Variants in STXBP4 observed in about 807,000 individuals in gnomAD.
STXBP4 encodes syntaxin binding protein 4, also known as syntaxin-binding protein 4.
A neutral mutation model predicts 76.1 loss-of-function variants in STXBP4; 55 were observed. That is an observed-to-expected ratio of 0.72 (90% CI 0.58 to 0.91). STXBP4 has a LOEUF of 0.91. Among genes scored for constraint, STXBP4 ranks in the 40% least tolerant of loss-of-function variants. The probability of loss-of-function intolerance (pLI) is 0.00; values close to 1 mark genes in which losing one functional copy is unlikely to be tolerated. For synonymous variants in STXBP4, 201 were observed against 220.2 expected (o/e 0.91, Z 0.77); for missense variants, 618 against 636.9 (o/e 0.97, Z 0.32).
chr17:55,183,956 T>C, the STXBP4 span, among the ~76,000 whole-genome samples: 2 of 152,008 alleles, frequency 1.3e-5, no homozygotes, highest in Non-Finnish European at 2.9e-5. Context: ...TCAGAAAAAG[T>C]TATGGACAAT....
At chr17:55,074,271 A>C (rs913560683) in intron 13 of STXBP4, among the ~76,000 whole-genome samples, 2 of 152,216 alleles carry the variant, frequency 1.3e-5, no homozygotes, top group South Asian at 2.1e-4. Context: ...AAAGTCACTA[A>C]ACTATTTCTC....
chr17:55,040,896 T>G (rs905016791), intron 10 of STXBP4, among the ~76,000 whole-genome samples: 1 of 152,198 alleles, frequency 6.6e-6, no homozygotes, highest in Non-Finnish European at 1.5e-5. Flanking sequence ...CATTTGCCGC[T>G]TCCTTAGCTG....
At chr17:55,111,668 C>T (rs2079717965) in intron 16 of STXBP4, among the ~76,000 whole-genome samples, 1 of 152,164 alleles carries the variant, frequency 6.6e-6, no homozygotes, top group Non-Finnish European at 1.5e-5. Flanking sequence ...TGCCTTCTGC[C>T]ATAAGTAAAA....
chr17:55,117,414 C>A (rs945175860), intron 16 of STXBP4, among the ~76,000 whole-genome samples: 13 of 151,690 alleles, frequency 8.6e-5, no homozygotes, highest in Admixed American at 6.6e-5. Flanking sequence ...GACCGAAGGT[C>A]TTAGGCAACC....
chr17:55,013,660 G>A (rs1457550743), intron 8 of STXBP4, among the ~76,000 whole-genome samples: 1 of 152,218 alleles, frequency 6.6e-6, no homozygotes, highest in Non-Finnish European at 1.5e-5. Flanking sequence ...AAGAGTGCTT[G>A]GGTGGCTTGA....
In STXBP4 at chr17:55,161,879, T is replaced by A. The variant is rs244300; in HGVS notation, c.*1968T>A. 0.61 allele frequency: 92,352 copies of A among 152,042 alleles called. 28,458 individuals are homozygous for A. Among genetic ancestry groups the A allele is most frequent in the African/African-American group, 0.68 (28,378 of 41,464 alleles). The allele number at this position is 152,042 out of a possible 1,614,324, so 9.4% of individuals were successfully genotyped here. On this transcript the variant is annotated 3_prime_UTR_variant, in exon 18 of 18. Coordinates refer to ENST00000376352, the MANE Select transcript of STXBP4 (RefSeq NM_178509.6). ...TTGCCTAAGGGTCACAAAGCACCTATGTGTAGAAGCTAGGGTTCAAGGCAG... is the reference window on the plus strand; with the variant it reads ...TTGCCTAAGGGTCACAAAGCACCTAAGTGTAGAAGCTAGGGTTCAAGGCAG...
At chr17:54,993,586 A>G (rs2077752509) in intron 4 of STXBP4, among the ~76,000 whole-genome samples, 2 of 152,258 alleles carry the variant, frequency 1.3e-5, no homozygotes, top group African/African-American at 2.4e-5. Context: ...CAAAATTGAT[A>G]TAACTTTATT....
chr17:55,179,882 C>T, the STXBP4 span, among the ~76,000 whole-genome samples: 3 of 152,130 alleles, frequency 2.0e-5, no homozygotes, highest in Non-Finnish European at 4.4e-5. Context: ...CTGACTGCAG[C>T]AGTGTGGCGA....
At chr17:54,982,276 A>G (rs1478312512) in intron 1 of STXBP4, among the ~76,000 whole-genome samples, 2 of 152,198 alleles carry the variant, frequency 1.3e-5, no homozygotes, top group African/African-American at 4.8e-5. Context: ...CTCAAACACC[A>G]TATGCGTTAT....
intron 8 of STXBP4, among the ~76,000 whole-genome samples, chr17:55,011,607 G>T (rs768545017): frequency 2.8e-5 from 4 of 145,068 alleles, no homozygotes; most frequent in Non-Finnish European, 6.0e-5. Flanking sequence ...GAATGCATGA[G>T]TTTATATCCC....
At chr17:55,115,147 T>C (rs777281976) in intron 16 of STXBP4, among the ~76,000 whole-genome samples, 49 of 151,982 alleles carry the variant, frequency 3.2e-4, no homozygotes, top group Non-Finnish European at 6.3e-4. Flanking sequence ...AATGCTATTG[T>C]TTTATTGCTT....
chr17:55,201,478 C>T, the STXBP4 span, among the ~76,000 whole-genome samples: 72 of 151,962 alleles, frequency 4.7e-4, no homozygotes, highest in African/African-American at 1.6e-3. Context: ...AGAAGAGCTA[C>T]GTTCCAAGAT....
intron 17 of STXBP4, among the ~76,000 whole-genome samples, chr17:55,148,418 A>G (rs1008605994): frequency 1.3e-5 from 2 of 152,238 alleles, no homozygotes; most frequent in Non-Finnish European, 2.9e-5. Context: ...AATCTAATGC[A>G]ATTAGAAATT....
At chr17:55,203,414 A>G in the STXBP4 span, among the ~76,000 whole-genome samples, 1 of 152,120 alleles carries the variant, frequency 6.6e-6, no homozygotes, top group Non-Finnish European at 1.5e-5. Flanking sequence ...ATGTCATTTT[A>G]AAAAAACGAC....
At position 55,164,514 on chromosome 17, in the gene STXBP4, A is replaced by G. The variant is rs1232895853; in HGVS notation, c.*4603A>G. On this transcript the variant is annotated 3_prime_UTR_variant, in exon 18 of 18. Transcript: ENST00000376352. ...GCGGGACTGCGGACTGCAGCGGCGCAATCTCGGCTCACTGCAAGCTCCGCT... is the reference window on the plus strand; with the variant it reads ...GCGGGACTGCGGACTGCAGCGGCGCGATCTCGGCTCACTGCAAGCTCCGCT... The G allele has an allele frequency of 1.5e-5, 2 of 135,860 alleles. No individual in the cohort carries two copies. Among genetic ancestry groups the G allele is most frequent in the Non-Finnish European group, 1.5e-5 (1 of 65,412 alleles). The allele number at this position is 135,860 out of a possible 1,614,324, so 8.4% of individuals were successfully genotyped here. A position where few individuals can be genotyped will look rare whatever the true frequency, so the allele number is the denominator to read the frequency against.
intron 16 of STXBP4, among the ~76,000 whole-genome samples, chr17:55,127,667 A>G (rs2079927906): frequency 1.3e-5 from 2 of 152,192 alleles, no homozygotes. Context: ...TGAAAAAATA[A>G]CCCTCTATGA....
chr17:55,070,924 C>T (rs972142645), intron 12 of STXBP4, among the ~76,000 whole-genome samples: 1 of 152,206 alleles, frequency 6.6e-6, no homozygotes, highest in Non-Finnish European at 1.5e-5. Context: ...TTATCTTTTA[C>T]CCCTTTGTAT....
At chr17:55,003,109 A>G (rs148859631) in intron 7 of STXBP4, among the ~76,000 whole-genome samples, 1 of 152,202 alleles carries the variant, frequency 6.6e-6, no homozygotes, top group African/African-American at 2.4e-5. Context: ...AGTGGTAAAC[A>G]TCAATTGATA....
chr17:55,024,582 T>C (rs921171009), intron 8 of STXBP4, among the ~76,000 whole-genome samples: 9 of 152,176 alleles, frequency 5.9e-5, no homozygotes, highest in Admixed American at 6.5e-5. Context: ...TGAACCTTTG[T>C]CATTTCTAGG....
Sources: allele counts gnomAD v4.1 joint callset (sites outside exome capture counted in the v4.1 genomes callset), GRCh38; gene constraint gnomAD v4.1.1; transcripts MANE v1.5; gene names NCBI Gene and HGNC (gene_info 2026-07-23, HGNC 2026-07-21).